The following IQSEC1 variants were observed in gnomAD, a reference collection of about 807,000 sequenced individuals.
IQSEC1 encodes IQ motif and SEC7 domain-containing protein 1.
In IQSEC1, 31 loss-of-function variants were observed where a neutral mutation model predicts 91.0. The ratio of observed to expected loss-of-function variants is 0.34; its 90% CI spans 0.26 to 0.46. IQSEC1 has a LOEUF of 0.46. Ranked by LOEUF, IQSEC1 falls within the 20% of genes least tolerant of loss-of-function variation. The pLI is 1.00. For missense variants in IQSEC1, 1,388 were observed against 1,575.6 expected, an observed-to-expected ratio of 0.88 and a Z score of 2.02; for synonymous variants, 699 against 662.6, an observed-to-expected ratio of 1.05 and a Z score of -0.84.
At chr3:12,952,577 TTCTCC>T (rs1050751382) in intron 1 of IQSEC1, among the ~76,000 whole-genome samples, 7 of 151,958 alleles carry the variant, frequency 4.6e-5, no homozygotes, top group African/African-American at 1.7e-4. Context: ...CCTGACCACA[TTCTCC>T]TCTCATTTGG....
chr3:13,245,023 T>C (rs957454242), intron 1 of IQSEC1, among the ~76,000 whole-genome samples: 4 of 152,204 alleles, frequency 2.6e-5, no homozygotes, highest in African/African-American at 9.7e-5. Context: ...ACTATGATGC[T>C]ACAAACAAAC....
intron 1 of IQSEC1, among the ~76,000 whole-genome samples, chr3:13,224,421 C>T (rs1392794101): frequency 6.6e-6 from 1 of 152,050 alleles, no homozygotes; most frequent in African/African-American, 2.4e-5. Context: ...CTGGGCCCAG[C>T]CCAGGCAGGG....
At chr3:12,955,681 A>G (rs1032806650) in intron 1 of IQSEC1, among the ~76,000 whole-genome samples, 4 of 152,246 alleles carry the variant, frequency 2.6e-5, no homozygotes, top group Non-Finnish European at 5.9e-5. Flanking sequence ...CAGGACAGGC[A>G]GCCTTTAAAG....
intron 1 of IQSEC1, among the ~76,000 whole-genome samples, chr3:13,070,209 G>T (rs1705369651): frequency 6.6e-6 from 1 of 152,228 alleles, no homozygotes; most frequent in African/African-American, 2.4e-5. Context: ...GCATGCTGGG[G>T]AAGGGACACC....
chr3:13,270,623 T>G (rs1695576859), intron 1 of IQSEC1, among the ~76,000 whole-genome samples: 1 of 152,188 alleles, frequency 6.6e-6, no homozygotes, highest in Non-Finnish European at 1.5e-5. Context: ...AGAACAAGTT[T>G]TATCATGCTC....
chr3:13,076,668 A>G (rs945435860), upstream of IQSEC1, among the ~76,000 whole-genome samples: 1 of 152,132 alleles, frequency 6.6e-6, no homozygotes, highest in African/African-American at 2.4e-5. Context: ...GCTCCGTTCC[A>G]ACTGTGGAAC....
At chr3:13,022,172 G>A in intron 1 of IQSEC1, 1 of 1,231,672 alleles carries the variant, frequency 8.1e-7, no homozygotes, top group Non-Finnish European at 1.0e-6. Flanking sequence ...GTCTCCTCCT[G>A]GCCAGGGAAC....
At chr3:13,019,198 C>T (rs950076616) in intron 1 of IQSEC1, among the ~76,000 whole-genome samples, 3 of 152,238 alleles carry the variant, frequency 2.0e-5, no homozygotes, top group Non-Finnish European at 4.4e-5. Flanking sequence ...GCTGTTCTGT[C>T]CAGGATACAG....
Position 12,900,618 on chromosome 3 carries a change from G to GT in IQSEC1, c.*364dup. On this transcript the variant is annotated 3_prime_UTR_variant, in exon 14 of 14. Coordinates refer to ENST00000613206, the MANE Select transcript of IQSEC1 (RefSeq NM_001134382.3). Reference sequence around the variant, plus strand: ...GTCTGTTTTTGTATCTCATTTCTTCGTTTTCTAGGTTGGGTTTTCATATGC... The same window carrying GT: ...GTCTGTTTTTGTATCTCATTTCTTCGTTTTTCTAGGTTGGGTTTTCATATGC... 9.4e-7 allele frequency: 1 copy of GT among 1,068,240 alleles called. No homozygotes were observed. The allele number at this position is 1,068,240 out of a possible 1,614,324, so 66.2% of individuals were successfully genotyped here.
At chr3:13,078,256 C>T (rs1038805119), upstream of IQSEC1, among the ~76,000 whole-genome samples, 1 of 152,180 alleles carries the variant, frequency 6.6e-6, no homozygotes, top group Non-Finnish European at 1.5e-5. Context: ...TAAGCCTCTA[C>T]TCAGGAGCCT....
intron 2 of IQSEC1, among the ~76,000 whole-genome samples, chr3:13,155,308 C>A (rs1707068343): frequency 6.6e-6 from 1 of 152,110 alleles, no homozygotes; most frequent in Non-Finnish European, 1.5e-5. Flanking sequence ...AATTTTATTA[C>A]TGATTTTGTA....
chr3:13,156,150 T>G (rs1489979171), intron 2 of IQSEC1, among the ~76,000 whole-genome samples: 1 of 151,962 alleles, frequency 6.6e-6, no homozygotes, highest in Non-Finnish European at 1.5e-5. Flanking sequence ...GAGAATTGCT[T>G]GAACCTGGGA....
rs1332429680 is a variant in IQSEC1, at chr3:13,103,784, A to G, written c.303-56262T>C. ...GGTATTCCATGTTGCCTACCACCCT[A>G]CGAGGGCAGGGGCTGTGTCTGCCTC... On this transcript the variant is annotated intron_variant, in intron 2 of 15. Coordinates refer to the IQSEC1 transcript ENST00000648114. The surrounding 1 kb of genome is among the most constrained non-coding windows in gnomAD (Gnocchi z 4.1). 1.3e-5 allele frequency among the ~76,000 whole-genome samples: 2 copies of G among 152,138 alleles called. No homozygotes were observed. Among genetic ancestry groups the G allele is most frequent in the Admixed American group, 6.5e-5 (1 of 15,270 alleles).
intron 1 of IQSEC1, among the ~76,000 whole-genome samples, chr3:13,181,499 C>T (rs1375788213): frequency 6.6e-6 from 1 of 152,218 alleles, no homozygotes; most frequent in Non-Finnish European, 1.5e-5. Context: ...CACCCACCCA[C>T]CCACTGATGC....
At chr3:13,156,337 A>G (rs913140648) in intron 2 of IQSEC1, among the ~76,000 whole-genome samples, 2 of 152,266 alleles carry the variant, frequency 1.3e-5, no homozygotes, top group Non-Finnish European at 1.5e-5. Context: ...CAAAAAATCC[A>G]CAGCTAACAT....
At chr3:13,249,242 G>C (rs1290532330) in intron 1 of IQSEC1, among the ~76,000 whole-genome samples, 1 of 148,624 alleles carries the variant, frequency 6.7e-6, no homozygotes, top group Non-Finnish European at 1.5e-5. Flanking sequence ...CGCGATCTCG[G>C]CTCACTGCAA....
intron 1 of IQSEC1, among the ~76,000 whole-genome samples, chr3:13,037,059 G>A (rs1037697133): frequency 2.6e-5 from 4 of 152,142 alleles, no homozygotes; most frequent in African/African-American, 4.8e-5. Context: ...CTGGGGCTGC[G>A]TCAAGCTACA....
At chr3:13,110,135 GCC>G (rs1187715627) in intron 2 of IQSEC1, among the ~76,000 whole-genome samples, 3 of 151,808 alleles carry the variant, frequency 2.0e-5, no homozygotes, top group African/African-American at 7.3e-5. Context: ...GCCTGCCTTG[GCC>G]CCCCAAAGTG....
chr3:13,114,596 G>A (rs1056235721), intron 2 of IQSEC1, among the ~76,000 whole-genome samples: 2 of 152,012 alleles, frequency 1.3e-5, no homozygotes, highest in East Asian at 1.9e-4. Context: ...GTTCAATATC[G>A]GCCTGGGCAA....
Sources: allele counts gnomAD v4.1 joint callset (sites outside exome capture counted in the v4.1 genomes callset), GRCh38; gene constraint gnomAD v4.1.1; non-coding constraint Gnocchi (gnomAD v3.1); transcripts MANE v1.5; gene names NCBI Gene and HGNC (gene_info 2026-07-23, HGNC 2026-07-21).